The following CPED1 variants were observed in gnomAD, a reference collection of about 807,000 sequenced individuals.
CPED1 encodes the protein cadherin like and PC-esterase domain containing 1.
Under a neutral mutation model 128.2 loss-of-function variants are expected in CPED1, and 114 were observed. The ratio of observed to expected loss-of-function variants is 0.89; its 90% CI spans 0.76 to 1.04. The LOEUF (loss-of-function observed/expected upper bound fraction) is 1.04, where lower values mean the gene tolerates loss of function less well. Among genes scored for constraint, CPED1 ranks in the 50% least tolerant of loss-of-function variants. The probability of loss-of-function intolerance (pLI) is 0.00; values close to 1 mark genes in which losing one functional copy is unlikely to be tolerated. For synonymous variants in CPED1, 462 were observed against 426.7 expected (o/e 1.08, Z -1.02); for missense variants, 1,211 against 1,207.1 (o/e 1.00, Z -0.05).
chr7:121,098,565 A>C (rs149334572), intron 6 of CPED1, among the ~76,000 whole-genome samples: 162 of 151,298 alleles, frequency 1.1e-3, no homozygotes, highest in African/African-American at 3.5e-3. Flanking sequence ...GAATCCATCT[A>C]TACAAAAAAT....
chr7:121,081,243 C>T (rs73433908), intron 5 of CPED1, among the ~76,000 whole-genome samples: 60 of 152,256 alleles, frequency 3.9e-4, no homozygotes, highest in African/African-American at 1.2e-3. Flanking sequence ...AAACTATAAA[C>T]GAAGTGCAAT....
chr7:121,202,930 CAT>C (rs988627630), intron 16 of CPED1, among the ~76,000 whole-genome samples: 8 of 152,120 alleles, frequency 5.3e-5, no homozygotes, highest in African/African-American at 1.4e-4. Context: ...GTTTTCAAAA[CAT>C]GTGGTGGTTC....
intron 2 of CPED1, among the ~76,000 whole-genome samples, chr7:121,007,497 G>A (rs1412378490): frequency 6.6e-6 from 1 of 152,040 alleles, no homozygotes; most frequent in African/African-American, 2.4e-5. Flanking sequence ...GATCTATAAG[G>A]TATCAGTATT....
chr7:121,100,770 A>G (rs1794830170), intron 7 of CPED1, among the ~76,000 whole-genome samples: 2 of 152,318 alleles, frequency 1.3e-5, no homozygotes, highest in South Asian at 4.1e-4. Context: ...AGAAATGGAA[A>G]GAATGCATAG....
chr7:121,024,602 G>C (rs1792524104), intron 3 of CPED1, among the ~76,000 whole-genome samples: 1 of 152,278 alleles, frequency 6.6e-6, no homozygotes, highest in East Asian at 1.9e-4. Context: ...TGTCTTGTTA[G>C]ATGTACTTTC....
At chr7:121,099,815 G>T in intron 6 of CPED1, 111 bp from the exon 7 acceptor site, 1 of 1,087,142 alleles carries the variant, frequency 9.2e-7, no homozygotes, top group Non-Finnish European at 1.3e-6. Flanking sequence ...CACACTGAGG[G>T]CTGGCGTCCT....
intron 16 of CPED1, among the ~76,000 whole-genome samples, chr7:121,195,314 TG>T (rs1467792381): frequency 1.3e-5 from 2 of 152,242 alleles, no homozygotes; most frequent in African/African-American, 4.8e-5. Context: ...AAAATATTTT[TG>T]CTTTATTCTT....
chr7:121,240,544 T>C (rs184250034), intron 17 of CPED1, among the ~76,000 whole-genome samples: 1 of 152,212 alleles, frequency 6.6e-6, no homozygotes, highest in African/African-American at 2.4e-5. Flanking sequence ...AATAAATTCA[T>C]TATAACAATC....
intron 18 of CPED1, among the ~76,000 whole-genome samples, chr7:121,264,046 A>G (rs922504666): frequency 3.3e-5 from 5 of 152,066 alleles, no homozygotes; most frequent in African/African-American, 1.2e-4. Context: ...ACTTAATCCA[A>G]TATGACTGGA....
chr7:121,093,429 GTTGT>G (rs145575941), intron 5 of CPED1, among the ~76,000 whole-genome samples: 2,708 of 72,344 alleles, frequency 0.037, 80 homozygotes, highest in African/African-American at 0.11. Flanking sequence ...CACACACACA[GTTGT>G]TTGTTTGTTT....
chr7:121,111,936 G>T (rs1478188790), intron 7 of CPED1, among the ~76,000 whole-genome samples: 1 of 152,154 alleles, frequency 6.6e-6, no homozygotes, highest in Admixed American at 6.5e-5. Context: ...GTCTGGACCA[G>T]CTCTGCTCAT....
At chr7:121,061,221 A>G (rs1793661441) in intron 4 of CPED1, 1 of 957,824 alleles carries the variant, frequency 1.0e-6, no homozygotes, top group Admixed American at 6.2e-5. Flanking sequence ...TGGGATAGAA[A>G]TCTCTTCTAA....
intron 21 of CPED1, among the ~76,000 whole-genome samples, chr7:121,270,518 T>A (rs1370553811): frequency 6.6e-6 from 1 of 152,148 alleles, no homozygotes; most frequent in Non-Finnish European, 1.5e-5. Context: ...TAGTTTAAGG[T>A]CTTACATTTA....
chr7:121,174,964 G>A (rs913815558), intron 16 of CPED1, among the ~76,000 whole-genome samples: 1 of 151,968 alleles, frequency 6.6e-6, no homozygotes, highest in South Asian at 2.1e-4. Context: ...GTATTCCTGG[G>A]TAATTTATTT....
intron 5 of CPED1, among the ~76,000 whole-genome samples, chr7:121,086,066 G>T (rs558655911): frequency 2.6e-5 from 4 of 152,198 alleles, no homozygotes; most frequent in Non-Finnish European, 5.9e-5. Flanking sequence ...ACATGGTTGA[G>T]TAGAAAGGTT....
At chr7:121,036,009 C>G (rs1792874460) in intron 3 of CPED1, among the ~76,000 whole-genome samples, 1 of 151,756 alleles carries the variant, frequency 6.6e-6, no homozygotes. Context: ...GAGCCAATGA[C>G]AGAAGCAATA....
intron 16 of CPED1, among the ~76,000 whole-genome samples, chr7:121,206,535 T>C (rs1291763705): frequency 4.6e-5 from 7 of 152,028 alleles, no homozygotes; most frequent in Admixed American, 2.0e-4. Flanking sequence ...ATGTATGTAA[T>C]AAATCACTGC....
Position 121,266,380 on chromosome 7 carries a change from C to G in CPED1, c.2464C>G (p.Pro822Ala). The stretch of plus-strand genomic sequence containing the variant: ...GACTTTGATCAGTTATTCCTACTAT[C>G]CCCAGTTCTGGATAAGCCCTTCATT... ...GKTLISYSYY[P>A]QFWISPSLRP... The change falls in exon 19 of 23, where the codon CCC becomes GCC. Residue 822 changes from proline to alanine, a missense_variant. Transcript: ENST00000310396. 1 of 1,613,174 alleles carries G rather than the reference C, an allele frequency of 6.2e-7. No individual in the cohort carries two copies. Among genetic ancestry groups the G allele is most frequent in the East Asian group, 2.2e-5 (1 of 44,820 alleles).
chr7:121,203,178 C>T (rs1212885056), intron 16 of CPED1, among the ~76,000 whole-genome samples: 1 of 152,096 alleles, frequency 6.6e-6, no homozygotes, highest in East Asian at 1.9e-4. Flanking sequence ...AGATCAAAGT[C>T]AGCTGGTTTA....
Sources: allele counts gnomAD v4.1 joint callset (sites outside exome capture counted in the v4.1 genomes callset), GRCh38; gene constraint gnomAD v4.1.1; transcripts MANE v1.5; gene names NCBI Gene and HGNC (gene_info 2026-07-23, HGNC 2026-07-21).